IGSF21: variants seen among roughly 807,000 people sequenced by gnomAD.
The protein encoded by IGSF21 is immunoglobin superfamily member 21.
In IGSF21, 28 loss-of-function variants were observed where a neutral mutation model predicts 46.8. That is an observed-to-expected ratio of 0.60 (90% CI 0.44 to 0.82). The LOEUF is 0.82. Ranked by LOEUF, IGSF21 falls within the 40% of genes least tolerant of loss-of-function variation. The probability of loss-of-function intolerance (pLI) is 0.00; values close to 1 mark genes in which losing one functional copy is unlikely to be tolerated. For synonymous variants in IGSF21, 284 were observed against 273.6 expected, an observed-to-expected ratio of 1.04 and a Z score of -0.38; for missense variants, 624 against 665.5, an observed-to-expected ratio of 0.94 and a Z score of 0.69.
At chr1:18,274,125 A>T (rs1204619199) in intron 2 of IGSF21, among the ~76,000 whole-genome samples, 3 of 152,236 alleles carry the variant, frequency 2.0e-5, no homozygotes, top group African/African-American at 7.2e-5. Context: ...CCCCATTATT[A>T]TACTAGGACT....
chr1:18,243,712 T>C (rs872730), intron 2 of IGSF21, among the ~76,000 whole-genome samples: 115,090 of 152,136 alleles, frequency 0.76, 44,640 homozygotes, highest in East Asian at 0.89. Context: ...ACCAGCCTCA[T>C]TTGGGTTCTG....
At chr1:18,115,867 A>G (rs989696847) in intron 1 of IGSF21, 4 of 115,878 alleles carry the variant, frequency 3.5e-5, no homozygotes, top group African/African-American at 9.5e-5. Context: ...GAAAGAAAGA[A>G]AGAAAGAAAG....
intron 2 of IGSF21, among the ~76,000 whole-genome samples, chr1:18,231,153 C>G (rs2084622273): frequency 6.6e-6 from 1 of 152,210 alleles, no homozygotes; most frequent in African/African-American, 2.4e-5. Context: ...CTGCTCAGCA[C>G]AGTGGGCACA....
At chr1:18,314,292 T>G (rs61380336) in intron 3 of IGSF21, among the ~76,000 whole-genome samples, 37,545 of 129,132 alleles carry the variant, frequency 0.29, 5,022 homozygotes, top group African/African-American at 0.34. Flanking sequence ...GTGGTTTTTT[T>G]TTTTTTAAAC....
chr1:18,279,019 T>C, intron 2 of IGSF21: 1 of 418,376 alleles, frequency 2.4e-6, no homozygotes, highest in East Asian at 7.4e-5. Context: ...GAGCCTCATC[T>C]GTCAAATGCA....
At chr1:18,201,582 C>T (rs758229756) in intron 1 of IGSF21, among the ~76,000 whole-genome samples, 8 of 152,146 alleles carry the variant, frequency 5.3e-5, no homozygotes, top group African/African-American at 1.2e-4. Context: ...TCCTCCTTCA[C>T]GCTGGTGAGG....
At chr1:18,180,130 G>T (rs1388968176) in intron 1 of IGSF21, among the ~76,000 whole-genome samples, 1 of 152,130 alleles carries the variant, frequency 6.6e-6, no homozygotes, top group African/African-American at 2.4e-5. Context: ...TTTCTCCATA[G>T]CACTTCCTGC....
At chr1:18,275,415 G>A (rs2124550037) in intron 2 of IGSF21, among the ~76,000 whole-genome samples, 1 of 152,278 alleles carries the variant, frequency 6.6e-6, no homozygotes, top group Non-Finnish European at 1.5e-5. Context: ...CCCATTCTTG[G>A]AGCCTGGCTG....
At chr1:18,186,544 G>A (rs2086904740) in intron 1 of IGSF21, among the ~76,000 whole-genome samples, 1 of 152,142 alleles carries the variant, frequency 6.6e-6, no homozygotes, top group Non-Finnish European at 1.5e-5. Context: ...TCCCCTGAAT[G>A]TCTACAATGA....
chr1:18,144,310 A>T (rs1039124478), intron 1 of IGSF21, among the ~76,000 whole-genome samples: 2 of 152,100 alleles, frequency 1.3e-5, no homozygotes, highest in Admixed American at 6.5e-5. Flanking sequence ...GGCGGCTCAC[A>T]GACCTCCATG....
intron 1 of IGSF21, among the ~76,000 whole-genome samples, chr1:18,198,979 C>T (rs554479064): frequency 2.4e-4 from 37 of 152,088 alleles, no homozygotes; most frequent in Middle Eastern, 6.8e-3. Flanking sequence ...ATGAGGGTGG[C>T]CCCCTGGGAC....
At chr1:18,183,371 T>G (rs999867438) in intron 1 of IGSF21, among the ~76,000 whole-genome samples, 2 of 152,214 alleles carry the variant, frequency 1.3e-5, no homozygotes, top group African/African-American at 4.8e-5. Context: ...TGAATTTTAT[T>G]TTATGTAAAT....
intron 4 of IGSF21, among the ~76,000 whole-genome samples, chr1:18,341,005 C>CTTTT (rs1557651741): frequency 6.5e-4 from 73 of 111,464 alleles, no homozygotes; most frequent in Middle Eastern, 4.3e-3. Flanking sequence ...TCCTCCTCCT[C>CTTTT]CTTCTTCTCT....
intron 1 of IGSF21, chr1:18,115,272 A>G (rs1462041141): frequency 6.6e-6 from 1 of 152,250 alleles, no homozygotes; most frequent in African/African-American, 2.4e-5. Context: ...ACAGCCCCCC[A>G]CCACACACAC....
intron 1 of IGSF21, among the ~76,000 whole-genome samples, chr1:18,225,085 T>TCACACACACACACA (rs529286231): frequency 3.9e-3 from 199 of 51,472 alleles, no homozygotes; most frequent in Non-Finnish European, 5.8e-3. Flanking sequence ...TCTCTCTCTC[T>TCACACACACACACA]CACACACACA....
intron 1 of IGSF21, among the ~76,000 whole-genome samples, chr1:18,215,439 C>T (rs1310660529): frequency 1.3e-5 from 2 of 152,260 alleles, no homozygotes; most frequent in African/African-American, 4.8e-5. Flanking sequence ...ATGGTAGATG[C>T]TGTGAGAGGG....
intron 2 of IGSF21, among the ~76,000 whole-genome samples, chr1:18,263,013 A>T (rs544029656): frequency 1.3e-5 from 2 of 152,196 alleles, no homozygotes; most frequent in Non-Finnish European, 2.9e-5. Context: ...GGGGGATGGC[A>T]TAAAAGGAAG....
chr1:18,334,601 G>A lies in IGSF21; in HGVS notation c.306-291G>A, dbSNP rs1436006285. Among the ~76,000 whole-genome samples the A allele has an allele frequency of 2.6e-5, 4 of 152,154 alleles. No homozygotes were observed. Among genetic ancestry groups the A allele is most frequent in the Non-Finnish European group, 4.4e-5 (3 of 68,034 alleles). Reference sequence around the variant, plus strand: ...CATCCTCACGGCTCCCTGGAAGTGGGCACCATCCCAGGCTCATGGAAGCCA... The same window carrying A: ...CATCCTCACGGCTCCCTGGAAGTGGACACCATCCCAGGCTCATGGAAGCCA... On this transcript the variant is annotated intron_variant, in intron 3 of 9. Coordinates refer to ENST00000251296, the MANE Select transcript of IGSF21 (RefSeq NM_032880.5). This position sits in a 1 kb window ranked among gnomAD's most constrained non-coding sequence, Gnocchi z 4.3.
chr1:18,141,882 A>G (rs1484945125), intron 1 of IGSF21, among the ~76,000 whole-genome samples: 1 of 152,094 alleles, frequency 6.6e-6, no homozygotes, highest in Non-Finnish European at 1.5e-5. Flanking sequence ...CAGCCTGGGC[A>G]CCATAGCAAG....
Sources: allele counts gnomAD v4.1 joint callset (sites outside exome capture counted in the v4.1 genomes callset), GRCh38; gene constraint gnomAD v4.1.1; non-coding constraint Gnocchi (gnomAD v3.1); transcripts MANE v1.5; gene names NCBI Gene and HGNC (gene_info 2026-07-23, HGNC 2026-07-21).